The following KALRN variants were observed in gnomAD, a reference collection of about 807,000 sequenced individuals.
The protein encoded by KALRN is kalirin RhoGEF kinase.
Under a neutral mutation model 353.7 loss-of-function variants are expected in KALRN, and 70 were observed. The ratio of observed to expected loss-of-function variants is 0.20; its 90% CI spans 0.16 to 0.24. The LOEUF is 0.24. Ranked by LOEUF, KALRN falls within the 10% of genes least tolerant of loss-of-function variation. The pLI is 1.00. For missense variants in KALRN, 2,791 were observed against 3,756.7 expected, an observed-to-expected ratio of 0.74 and a Z score of 6.72; for synonymous variants, 1,391 against 1,434.8, an observed-to-expected ratio of 0.97 and a Z score of 0.69.
intron 54 of KALRN, 126 bp from the exon 55 acceptor site, chr3:124,697,467 G>C: frequency 1.1e-6 from 1 of 875,478 alleles, no homozygotes; most frequent in Non-Finnish European, 1.7e-6. Context: ...TATGCCACTT[G>C]GTGGAGAAGG....
At chr3:124,631,148 A>T (rs945654235) in intron 34 of KALRN, among the ~76,000 whole-genome samples, 1 of 151,936 alleles carries the variant, frequency 6.6e-6, no homozygotes, top group African/African-American at 2.4e-5. Context: ...TTTTACTCCT[A>T]CCTCACTGGC....
chr3:124,126,468 G>A (rs956997973), intron 1 of KALRN, among the ~76,000 whole-genome samples: 2 of 152,096 alleles, frequency 1.3e-5, no homozygotes, highest in Non-Finnish European at 2.9e-5. Flanking sequence ...GGTGGAAAAC[G>A]GAGGTTTGTG....
Position 124,360,622 on chromosome 3 carries a change from A to G in KALRN, c.1770+13357A>G, listed in dbSNP as rs1347532822. On this transcript the variant is annotated intron_variant, in intron 10 of 59. Coordinates refer to ENST00000682506, the MANE Select transcript of KALRN (RefSeq NM_001388419.1). ...GTTTAGAAAGGAAGCAAGGAAAGCT[A>G]TTCCAGAGGAAAGCTTTCTTGTCTG... Among the ~76,000 whole-genome samples, 4 of 152,246 alleles carry G rather than the reference A, an allele frequency of 2.6e-5. No homozygotes were observed. In the East Asian group the frequency reaches 7.7e-4, roughly 29 times the overall value.
At chr3:124,449,396 A>AT (rs1158428215) in intron 21 of KALRN, among the ~76,000 whole-genome samples, 12 of 152,218 alleles carry the variant, frequency 7.9e-5, no homozygotes, top group Non-Finnish European at 1.5e-4. Context: ...CATCATTTTC[A>AT]TGTTGTGGTA....
Position 124,702,057 on chromosome 3 carries a change from C to T in KALRN, c.8016C>T (p.Ala2672=), listed in dbSNP as rs1579027588. ...CCGAAGATGCTGCTGCTGATGGTGC[C>T]ACCATTTCTTGGAAGGAAAATTTTG... ...LPEYDAAADG[A]TISWKENFDS... The change falls in exon 57 of 60, where the codon GCC becomes GCT. Residue 2672 remains alanine, a synonymous_variant. Transcript: ENST00000682506. 1 of 1,613,668 alleles carries T rather than the reference C, an allele frequency of 6.2e-7. No homozygotes were observed. Among genetic ancestry groups the T allele is most frequent in the Non-Finnish European group, 8.5e-7 (1 of 1,179,756 alleles).
chr3:124,304,127 A>AACACACACACACACACACACACACAC (rs3055892), intron 6 of KALRN, among the ~76,000 whole-genome samples: 23 of 147,390 alleles, frequency 1.6e-4, no homozygotes, highest in African/African-American at 5.8e-4. Context: ...TTTTGTTGTA[A>AACACACACACACACACACACACACAC]ACACACACAC....
intron 10 of KALRN, among the ~76,000 whole-genome samples, chr3:124,350,590 C>G (rs1371667648): frequency 6.6e-6 from 1 of 152,196 alleles, no homozygotes; most frequent in East Asian, 1.9e-4. Context: ...TCTAGGTGCC[C>G]ATTTGCTTAT....
intron 5 of KALRN, among the ~76,000 whole-genome samples, chr3:124,298,586 C>T (rs1295196817): frequency 6.6e-6 from 1 of 152,058 alleles, no homozygotes; most frequent in African/African-American, 2.4e-5. Flanking sequence ...ACAGCGGCTG[C>T]TGGTGGGGTC....
At chr3:124,345,007 T>G (rs935890495) in intron 9 of KALRN, among the ~76,000 whole-genome samples, 2 of 152,156 alleles carry the variant, frequency 1.3e-5, no homozygotes, top group African/African-American at 2.4e-5. Flanking sequence ...CCAATTTGCT[T>G]CAGAATAACC....
chr3:124,262,606 C>T (rs1454586300), intron 3 of KALRN, among the ~76,000 whole-genome samples: 2 of 152,104 alleles, frequency 1.3e-5, no homozygotes, highest in African/African-American at 2.4e-5. Flanking sequence ...TGGAGAGAGT[C>T]GCCTCTCCTG....
intron 10 of KALRN, among the ~76,000 whole-genome samples, chr3:124,374,886 T>C (rs185288610): frequency 3.9e-5 from 6 of 152,338 alleles, no homozygotes; most frequent in Non-Finnish European, 7.4e-5. Flanking sequence ...CCTTATTCTG[T>C]TCCATGGGGA....
At chr3:124,391,219 G>C (rs2089322759) in intron 11 of KALRN, among the ~76,000 whole-genome samples, 1 of 151,620 alleles carries the variant, frequency 6.6e-6, no homozygotes, top group Admixed American at 6.6e-5. Context: ...ATCAAGAAGA[G>C]AGGGTCTGGA....
chr3:124,153,243 A>G (rs1275721067), intron 1 of KALRN, among the ~76,000 whole-genome samples: 2 of 141,430 alleles, frequency 1.4e-5, no homozygotes, highest in Admixed American at 7.0e-5. Context: ...CATTAGGTAT[A>G]TCTCCTAATG....
intron 1 of KALRN, among the ~76,000 whole-genome samples, chr3:124,112,085 T>A (rs1429739256): frequency 6.6e-6 from 1 of 152,000 alleles, no homozygotes; most frequent in Non-Finnish European, 1.5e-5. Context: ...GGCAGATCAT[T>A]TGAGGTCAGG....
chr3:124,422,822 G>A lies in KALRN; in HGVS notation c.2553G>A (p.Leu851=). The change falls in exon 15 of 60, where the codon TTG becomes TTA. Residue 851 remains leucine (L), a synonymous_variant. Coordinates refer to ENST00000682506, the MANE Select transcript of KALRN (RefSeq NM_001388419.1). ...ITEVQASGIE[L]ICEKDIDLAA... Reference sequence around the variant, plus strand: ...TTTTTTTAAAATCAGGAATTGAGTTGATCTGTGAAAAAGACATTGATCTGG... The same window carrying A: ...TTTTTTTAAAATCAGGAATTGAGTTAATCTGTGAAAAAGACATTGATCTGG... 2 of 1,613,586 alleles carry A rather than the reference G, an allele frequency of 1.2e-6. No homozygotes were observed. Among genetic ancestry groups the A allele is most frequent in the East Asian group, 2.2e-5 (1 of 44,872 alleles).
intron 34 of KALRN, among the ~76,000 whole-genome samples, chr3:124,576,397 T>G (rs1368540915): frequency 6.6e-6 from 1 of 152,114 alleles, no homozygotes; most frequent in East Asian, 1.9e-4. Context: ...CAGGGACCTC[T>G]GCAGAGTTCT....
At chr3:124,494,173 C>G (rs1247500157) in intron 32 of KALRN, among the ~76,000 whole-genome samples, 1 of 152,206 alleles carries the variant, frequency 6.6e-6, no homozygotes, top group East Asian at 1.9e-4. Flanking sequence ...ATGCCCCCAC[C>G]TTTTCTCTGC....
chr3:124,520,177 A>G (rs2067046821), intron 33 of KALRN, among the ~76,000 whole-genome samples: 1 of 152,154 alleles, frequency 6.6e-6, no homozygotes, highest in Non-Finnish European at 1.5e-5. Context: ...TGACTCCCCC[A>G]GGAGGGAATG....
chr3:124,348,827 C>T (rs756172525), intron 10 of KALRN, among the ~76,000 whole-genome samples: 5 of 152,024 alleles, frequency 3.3e-5, no homozygotes, highest in Non-Finnish European at 7.4e-5. Context: ...AGGTGATTCT[C>T]CTGCCTTAGC....
Sources: gnomAD v4.1 joint callset for allele counts (sites outside exome capture counted in the v4.1 genomes callset) on GRCh38, gnomAD v4.1.1 for gene constraint, MANE v1.5 for transcripts, NCBI Gene and HGNC (gene_info 2026-07-23, HGNC 2026-07-21) for gene names.